The following COQ8A variants were observed in gnomAD, a reference collection of about 807,000 sequenced individuals.
COQ8A encodes the protein atypical kinase COQ8A, mitochondrial.
COQ8A carries 51 observed loss-of-function variants against 65.0 expected under a neutral mutation model. The ratio of observed to expected loss-of-function variants is 0.78; its 90% CI spans 0.63 to 0.99. The LOEUF is 0.99. COQ8A is among the 50% of genes least tolerant of loss of function. The pLI, the probability that COQ8A is intolerant of heterozygous loss-of-function variation, is 0.00. For synonymous variants in COQ8A, 371 were observed against 353.2 expected (o/e 1.05, Z -0.57); for missense variants, 940 against 875.0 (o/e 1.07, Z -0.94).
At position 226,982,889 on chromosome 1, in the gene COQ8A, T is replaced by G. The variant is rs1412671891; in HGVS notation, c.940-5T>G. 1 of 1,612,636 alleles carries G rather than the reference T, an allele frequency of 6.2e-7. No homozygotes were observed. The highest frequency in any genetic ancestry group is 8.5e-7 in the Non-Finnish European group (1 of 1,179,886). On this transcript the variant is annotated splice_region_variant and splice_polypyrimidine_tract_variant and intron_variant, in intron 7 of 14. Transcript: ENST00000366777. The stretch of plus-strand genomic sequence containing the variant: ...TCAGAGCCCCTCCCTGGCCCTGCCC[T>G]TCAGAAAACTCTCAACAACGACCTG...
rs1275227065 is a variant in COQ8A at position 226,978,864 on chromosome 1, C to T, written c.730+1341C>T. Among the ~76,000 whole-genome samples, 8 of 127,974 alleles carry T rather than the reference C, an allele frequency of 6.3e-5. 3 individuals carry two copies. The highest frequency in any genetic ancestry group is 1.4e-4 in the Non-Finnish European group (8 of 55,234). 84.0% of individuals were successfully genotyped at this position (127,974 alleles called of 152,430 possible). A position where few individuals can be genotyped will look rare whatever the true frequency, so the allele number is the denominator to read the frequency against. On this transcript the variant is annotated intron_variant, in intron 5 of 14. Transcript: ENST00000366777. ...CACCCACCTCATACCTGCACACCAC[C>T]TTACACACCCTCCACACACCCACCA...
intron 6 of COQ8A, 120 bp from the exon 7 acceptor site, chr1:226,982,558 C>T: frequency 9.1e-7 from 1 of 1,097,130 alleles, no homozygotes; most frequent in South Asian, 1.3e-5. Flanking sequence ...TTTCTGGCCT[C>T]ACCCGTGCTC....
chr1:226,984,521 G>T, intron 11 of COQ8A, 27 bp from the exon 12 acceptor site: 1 of 1,587,116 alleles, frequency 6.3e-7, no homozygotes, highest in South Asian at 1.1e-5. Context: ...GGTGCTGCCT[G>T]ACACAGACCC....
At chr1:226,983,712 C>T (rs1558207583) in intron 9 of COQ8A, 49 bp from the exon 10 acceptor site, 12 of 1,611,300 alleles carry the variant, frequency 7.4e-6, no homozygotes, top group South Asian at 1.1e-5. Flanking sequence ...CAGAGGGGGT[C>T]CTCCCTGCAG....
intron 14 of COQ8A, 97 bp from the exon 15 acceptor site, chr1:226,986,356 G>A: frequency 7.3e-7 from 1 of 1,371,532 alleles, no homozygotes; most frequent in Non-Finnish European, 1.0e-6. Flanking sequence ...GCAGAGCTTT[G>A]AATGAGAACT....
At chr1:226,960,672 A>G (rs1658194253) in intron 1 of COQ8A, among the ~76,000 whole-genome samples, 1 of 150,686 alleles carries the variant, frequency 6.6e-6, no homozygotes, top group Non-Finnish European at 1.5e-5. Flanking sequence ...GTGGTTGTTC[A>G]TTTCTTTTGA....
At chr1:226,957,032 A>G (rs1412908072) in intron 1 of COQ8A, among the ~76,000 whole-genome samples, 2 of 119,366 alleles carry the variant, frequency 1.7e-5, no homozygotes, top group South Asian at 2.8e-4. Flanking sequence ...TCCCTCGTTC[A>G]CACTCTCCCT....
At position 226,984,085 on chromosome 1, in the gene COQ8A, C is replaced by T. The variant is rs200440257; in HGVS notation, c.1257-9C>T. 7.6e-5 allele frequency: 122 copies of T among 1,613,246 alleles called. No homozygotes were observed. Among genetic ancestry groups the T allele is most frequent in the South Asian group, 5.5e-4 (50 of 91,066 alleles). On this transcript the variant is annotated splice_polypyrimidine_tract_variant and intron_variant, in intron 10 of 14. Transcript: ENST00000366777. The stretch of plus-strand genomic sequence containing the variant: ...TGTGGCTAGGGCGTGACCTCCCTCC[C>T]CTACCCAGGGACCTGCTGAAGGGCC...
At chr1:226,953,269 C>T (rs536878597) in intron 1 of COQ8A, among the ~76,000 whole-genome samples, 5 of 152,284 alleles carry the variant, frequency 3.3e-5, no homozygotes, top group African/African-American at 1.2e-4. Flanking sequence ...ACTTCGTGAT[C>T]CACCAGCCTT....
chr1:226,959,012 C>G (rs1306750847), intron 1 of COQ8A, among the ~76,000 whole-genome samples: 1 of 152,024 alleles, frequency 6.6e-6, no homozygotes, highest in Non-Finnish European at 1.5e-5. Flanking sequence ...ATGAAAATAC[C>G]TCCTGGTGTA....
At chr1:226,984,026 GGT>G (rs1161883157) in intron 10 of COQ8A, 66 bp from the exon 11 acceptor site, 26 of 1,537,508 alleles carry the variant, frequency 1.7e-5, no homozygotes, top group Middle Eastern at 1.9e-4. Flanking sequence ...CTGGTTGGGG[GGT>G]GTGTGTGGGG....
rs1659810228 is a variant in COQ8A at position 226,982,989 on chromosome 1, C to T, written c.1035C>T (p.His345=). 2 of 1,600,618 alleles carry T rather than the reference C, an allele frequency of 1.2e-6. No individual in the cohort carries two copies. The highest frequency in any genetic ancestry group is 3.4e-5 in the Admixed American group (2 of 58,260). Residue 345 remains histidine, a synonymous_variant, in exon 8 of 15, where the codon CAC becomes CAT. Transcript: ENST00000366777. ...CCGCCGCATCCATTGGGCAGGTGCA[C>T]TTGGCCCGAATGAAGGGCGGCCGCG... ...PFAAASIGQV[H]LARMKGGREV...
rs1038155935 is a variant in COQ8A at position 226,949,620 on chromosome 1, C to T, written c.-10+9221C>T. On this transcript the variant is annotated intron_variant, in intron 1 of 14. Transcript: ENST00000366777. This position sits in a 1 kb window ranked among gnomAD's most constrained non-coding sequence, Gnocchi z 4.0. Reference sequence around the variant, plus strand: ...CCACACTGGTCCTCCCCAGCCCAGCCTTCCTCCCAACTCAGGTATGAGACT... The same window carrying T: ...CCACACTGGTCCTCCCCAGCCCAGCTTTCCTCCCAACTCAGGTATGAGACT... Among the ~76,000 whole-genome samples the T allele has an allele frequency of 1.3e-5, 2 of 152,202 alleles. No individual in the cohort carries two copies. Among genetic ancestry groups the T allele is most frequent in the Admixed American group, 6.5e-5 (1 of 15,280 alleles).
chr1:226,980,108 T>C (rs940802425), intron 5 of COQ8A, among the ~76,000 whole-genome samples: 2 of 152,184 alleles, frequency 1.3e-5, no homozygotes, highest in African/African-American at 4.8e-5. Flanking sequence ...AGCCCCAAAC[T>C]GTGCTCCAGC....
chr1:226,944,442 G>A (rs1167763784), intron 1 of COQ8A, among the ~76,000 whole-genome samples: 1 of 151,904 alleles, frequency 6.6e-6, no homozygotes, highest in East Asian at 1.9e-4. Context: ...GAAAAAAATA[G>A]GTCAGGGGCA....
At chr1:226,958,981 T>G (rs1220838170) in intron 1 of COQ8A, among the ~76,000 whole-genome samples, 2 of 152,316 alleles carry the variant, frequency 1.3e-5, no homozygotes, top group East Asian at 3.9e-4. Flanking sequence ...GTTTGAGGGC[T>G]TTTATTTCTT....
chr1:226,981,230 T>C (rs1212446399), intron 5 of COQ8A, among the ~76,000 whole-genome samples: 2 of 152,206 alleles, frequency 1.3e-5, no homozygotes, highest in Non-Finnish European at 2.9e-5. Flanking sequence ...CCTCCATGTC[T>C]AGGCAGCACT....
rs200449167 is a variant in COQ8A, at chr1:226,964,992, C to T, written c.178-8C>T. 1.5e-5 allele frequency: 24 copies of T among 1,613,732 alleles called. No individual in the cohort carries two copies. The Admixed American group carries it at 3.7e-4, about 25-fold the overall frequency. ...TGCTCTCCTAATGCTGGCCTTTGCT[C>T]CCTGCAGGGTCAGGATAAACATGAA... On this transcript the variant is annotated splice_polypyrimidine_tract_variant and splice_region_variant and intron_variant, in intron 2 of 14. Transcript: ENST00000366777.
intron 4 of COQ8A, among the ~76,000 whole-genome samples, chr1:226,968,060 A>C (rs1488987826): frequency 6.6e-6 from 1 of 152,236 alleles, no homozygotes; most frequent in Non-Finnish European, 1.5e-5. Context: ...CAGCATATAA[A>C]AAACAAGTTA....
Sources: gnomAD v4.1 joint callset for allele counts (sites outside exome capture counted in the v4.1 genomes callset) on GRCh38, gnomAD v4.1.1 for gene constraint, Gnocchi (gnomAD v3.1) non-coding constraint, MANE v1.5 for transcripts, NCBI Gene and HGNC (gene_info 2026-07-23, HGNC 2026-07-21) for gene names.